Variants in SUPT3H observed in about 807,000 individuals in gnomAD.
SUPT3H encodes SPT3 homolog, SAGA and STAGA complex component.
SUPT3H carries 44 observed loss-of-function variants against 44.3 expected under a neutral mutation model. The ratio of observed to expected loss-of-function variants is 0.99; its 90% CI spans 0.78 to 1.28. SUPT3H has a LOEUF of 1.28. SUPT3H is among the 50% of genes most tolerant of loss of function. The pLI is 0.00. For missense variants in SUPT3H, 380 were observed against 387.1 expected, an observed-to-expected ratio of 0.98 and a Z score of 0.15; for synonymous variants, 124 against 125.6, an observed-to-expected ratio of 0.99 and a Z score of 0.09.
chr6:45,284,466 C>T (rs959315217), intron 2 of SUPT3H, among the ~76,000 whole-genome samples: 1 of 152,152 alleles, frequency 6.6e-6, no homozygotes, highest in Admixed American at 6.5e-5. Flanking sequence ...CTATAAACAC[C>T]TCTACGCAAA....
intron 10 of SUPT3H, among the ~76,000 whole-genome samples, chr6:44,919,234 G>C (rs1335340817): frequency 6.6e-6 from 1 of 152,074 alleles, no homozygotes; most frequent in Non-Finnish European, 1.5e-5. Flanking sequence ...GCTAATCAAA[G>C]TTTAGGAAAA....
intron 6 of SUPT3H, among the ~76,000 whole-genome samples, chr6:44,969,406 A>T (rs963967391): frequency 2.0e-5 from 3 of 149,860 alleles, no homozygotes; most frequent in Non-Finnish European, 4.5e-5. Flanking sequence ...CATTTCAGTA[A>T]TTTTTTTTTT....
In SUPT3H at chr6:45,317,227, C is replaced by CAAAAAA. The variant is rs70996324; in HGVS notation, c.101+47968_101+47973dup. 3.4e-3 allele frequency among the ~76,000 whole-genome samples: 121 copies of CAAAAAA among 36,078 alleles called. 8 individuals are homozygous for CAAAAAA. Among genetic ancestry groups the CAAAAAA allele is most frequent in the East Asian group, 0.026 (29 of 1,112 alleles). 23.7% of individuals were successfully genotyped at this position (36,078 alleles called of 152,430 possible). A position where few individuals can be genotyped will look rare whatever the true frequency, so the allele number is the denominator to read the frequency against. On this transcript the variant is annotated intron_variant, in intron 2 of 10. Transcript: ENST00000371459. ...TGGGTAACAGAGGAAGACTCTGTCT[C>CAAAAAA]AAAAAAAAAAAAAAAAAAAAAAAAA...
chr6:45,080,234 T>C (rs1234629005), intron 3 of SUPT3H, among the ~76,000 whole-genome samples: 2 of 151,966 alleles, frequency 1.3e-5, no homozygotes, highest in East Asian at 1.9e-4. Flanking sequence ...AAATCAAAAC[T>C]AAAATGAGGT....
intron 3 of SUPT3H, among the ~76,000 whole-genome samples, chr6:45,021,941 G>T (rs993218233): frequency 6.6e-6 from 1 of 151,898 alleles, no homozygotes; most frequent in Non-Finnish European, 1.5e-5. Flanking sequence ...TGGTGGGGGG[G>T]TAGGTTTTTA....
intron 2 of SUPT3H, among the ~76,000 whole-genome samples, chr6:45,288,910 A>C (rs1236899766): frequency 6.6e-6 from 1 of 151,972 alleles, no homozygotes; most frequent in Non-Finnish European, 1.5e-5. Flanking sequence ...CTCAGTTTTA[A>C]AGAATTACAT....
chr6:45,189,604 G>A (rs1234293372), intron 2 of SUPT3H, among the ~76,000 whole-genome samples: 1 of 152,140 alleles, frequency 6.6e-6, no homozygotes, highest in Non-Finnish European at 1.5e-5. Flanking sequence ...GGATTTCTGT[G>A]TCAATCCCCA....
At chr6:45,366,497 G>T (rs1001220755) in intron 1 of SUPT3H, among the ~76,000 whole-genome samples, 1 of 152,116 alleles carries the variant, frequency 6.6e-6, no homozygotes, top group Non-Finnish European at 1.5e-5. Context: ...GTAATAAGCA[G>T]ACCTTAAGAA....
intron 10 of SUPT3H, among the ~76,000 whole-genome samples, chr6:44,868,865 G>A (rs1297703398): frequency 2.6e-5 from 4 of 152,158 alleles, no homozygotes; most frequent in East Asian, 1.9e-4. Context: ...CTGCAGTCAC[G>A]GAATACCATG....
chr6:44,963,985 G>C (rs1384348855), intron 6 of SUPT3H, among the ~76,000 whole-genome samples: 1 of 149,026 alleles, frequency 6.7e-6, no homozygotes, highest in Non-Finnish European at 1.5e-5. Context: ...GAAACAGAGG[G>C]AGACTCCGTT....
chr6:45,113,744 C>T (rs1284981), intron 2 of SUPT3H, among the ~76,000 whole-genome samples: 3,081 of 150,736 alleles, frequency 0.02, 42 homozygotes, highest in Non-Finnish European at 0.032. Flanking sequence ...GCAGGAGAGT[C>T]GCCTGAGCCT....
intron 6 of SUPT3H, among the ~76,000 whole-genome samples, chr6:44,993,316 C>A (rs1311645453): frequency 6.6e-6 from 1 of 152,036 alleles, no homozygotes; most frequent in Non-Finnish European, 1.5e-5. Flanking sequence ...TAAAAAGATC[C>A]CTTGAGAGCC....
At chr6:44,901,926 C>T (rs1270761557) in intron 10 of SUPT3H, among the ~76,000 whole-genome samples, 2 of 152,112 alleles carry the variant, frequency 1.3e-5, no homozygotes, top group Non-Finnish European at 2.9e-5. Context: ...CCAAACTAAG[C>T]TTCAGAAGTG....
chr6:44,897,531 C>T (rs1467609398), intron 10 of SUPT3H, among the ~76,000 whole-genome samples: 1 of 152,122 alleles, frequency 6.6e-6, no homozygotes, highest in Non-Finnish European at 1.5e-5. Flanking sequence ...CCTGACTTTG[C>T]ATCATGTTTT....
chr6:45,352,202 A>T (rs1287376566), intron 2 of SUPT3H, among the ~76,000 whole-genome samples: 1 of 152,200 alleles, frequency 6.6e-6, no homozygotes, highest in Non-Finnish European at 1.5e-5. Context: ...GTCAGTCCCA[A>T]AGGACTTACA....
At chr6:44,900,391 G>A (rs1329948863) in intron 10 of SUPT3H, among the ~76,000 whole-genome samples, 3 of 152,204 alleles carry the variant, frequency 2.0e-5, no homozygotes, top group Non-Finnish European at 2.9e-5. Context: ...CGCCTGGCTC[G>A]GAGGGTCCTA....
At chr6:45,299,458 A>G (rs1781803070) in intron 2 of SUPT3H, among the ~76,000 whole-genome samples, 2 of 152,308 alleles carry the variant, frequency 1.3e-5, no homozygotes, top group African/African-American at 4.8e-5. Context: ...AAGATTGAAG[A>G]TTAGAGATTT....
chr6:44,851,061 AT>A (rs1772809261), intron 10 of SUPT3H, among the ~76,000 whole-genome samples: 1 of 152,192 alleles, frequency 6.6e-6, no homozygotes, highest in Admixed American at 6.5e-5. Flanking sequence ...AATTTAATTC[AT>A]GTGATGGAAT....
chr6:44,963,139 T>C (rs1199159556), intron 6 of SUPT3H, among the ~76,000 whole-genome samples: 1 of 151,920 alleles, frequency 6.6e-6, no homozygotes, highest in Non-Finnish European at 1.5e-5. Flanking sequence ...TCTTTTTTTA[T>C]ATATATACAC....
Sources: allele counts gnomAD v4.1 joint callset (sites outside exome capture counted in the v4.1 genomes callset), GRCh38; gene constraint gnomAD v4.1.1; transcripts MANE v1.5; gene names NCBI Gene and HGNC (gene_info 2026-07-23, HGNC 2026-07-21).